MNAT1: variants seen among roughly 807,000 people sequenced by gnomAD.
MNAT1 encodes CDK-activating kinase assembly factor MAT1.
MNAT1 carries 43 observed loss-of-function variants against 42.0 expected under a neutral mutation model. The observed-to-expected ratio is 1.02, with a 90% CI of 0.80 to 1.32. MNAT1 has a LOEUF of 1.32. Among genes scored for constraint, MNAT1 ranks in the 40% most tolerant of loss-of-function variants. The probability of loss-of-function intolerance (pLI) is 0.00; values close to 1 mark genes in which losing one functional copy is unlikely to be tolerated. For synonymous variants in MNAT1, 118 were observed against 120.0 expected, an observed-to-expected ratio of 0.98 and a Z score of 0.11; for missense variants, 306 against 350.4, an observed-to-expected ratio of 0.87 and a Z score of 1.01.
intron 7 of MNAT1, among the ~76,000 whole-genome samples, chr14:60,941,973 C>A (rs1432277632): frequency 8.5e-6 from 1 of 118,218 alleles, no homozygotes; most frequent in East Asian, 2.7e-4. Flanking sequence ...CACTGTACTC[C>A]AGCCTGGGCG....
intron 6 of MNAT1, among the ~76,000 whole-genome samples, chr14:60,842,581 A>G (rs1052214757): frequency 1.3e-5 from 2 of 152,230 alleles, no homozygotes; most frequent in Non-Finnish European, 1.5e-5. Flanking sequence ...GGAATGGTCA[A>G]TCTGGTCTTG....
At chr14:60,807,925 T>C (rs2032424248) in intron 3 of MNAT1, among the ~76,000 whole-genome samples, 2 of 152,094 alleles carry the variant, frequency 1.3e-5, no homozygotes, top group South Asian at 4.1e-4. Context: ...ATTATAAAAA[T>C]ATATGATTTT....
At chr14:60,917,034 C>A (rs2035534574) in intron 7 of MNAT1, among the ~76,000 whole-genome samples, 1 of 152,060 alleles carries the variant, frequency 6.6e-6, no homozygotes, top group Non-Finnish European at 1.5e-5. Flanking sequence ...TTTTGTAAAA[C>A]CCACTTGTAG....
intron 7 of MNAT1, among the ~76,000 whole-genome samples, chr14:60,889,044 A>G (rs1238444961): frequency 1.3e-5 from 2 of 149,054 alleles, no homozygotes; most frequent in Admixed American, 6.7e-5. Context: ...TATAGATTCA[A>G]TGCCATCCCC....
At chr14:60,885,212 T>G (rs559711243) in intron 7 of MNAT1, among the ~76,000 whole-genome samples, 1 of 151,994 alleles carries the variant, frequency 6.6e-6, no homozygotes, top group African/African-American at 2.4e-5. Flanking sequence ...ACTTGAATAG[T>G]TGAATATTGA....
At chr14:60,761,109 C>T (rs2030580258) in intron 1 of MNAT1, among the ~76,000 whole-genome samples, 1 of 152,104 alleles carries the variant, frequency 6.6e-6, no homozygotes, top group Non-Finnish European at 1.5e-5. Context: ...TGTTTTTGGG[C>T]ATGGATTGTG....
intron 1 of MNAT1, among the ~76,000 whole-genome samples, chr14:60,785,462 G>A (rs906528363): frequency 2.6e-5 from 4 of 152,166 alleles, no homozygotes; most frequent in Non-Finnish European, 5.9e-5. Flanking sequence ...GTTAGCAAAT[G>A]TTGAGCAAAC....
chr14:60,818,878 G>T, intron 6 of MNAT1, 31 bp downstream of exon 6: 1 of 1,600,148 alleles, frequency 6.2e-7, no homozygotes, highest in Non-Finnish European at 8.5e-7. Flanking sequence ...TTGTTTGAAA[G>T]ATATTTTTTC....
chr14:60,860,414 G>A (rs1377613719), intron 6 of MNAT1, among the ~76,000 whole-genome samples: 4 of 142,564 alleles, frequency 2.8e-5, no homozygotes, highest in African/African-American at 5.2e-5. Flanking sequence ...GTGCAGTGGC[G>A]CGATCTCTGC....
At chr14:60,811,865 A>G in intron 4 of MNAT1, 122 bp from the exon 5 acceptor site, 1 of 650,030 alleles carries the variant, frequency 1.5e-6, no homozygotes, top group Non-Finnish European at 2.4e-6. Context: ...GAATTGCTAC[A>G]TTATTAAATA....
At chr14:60,742,092 T>A (rs1896486900) in intron 1 of MNAT1, among the ~76,000 whole-genome samples, 1 of 152,044 alleles carries the variant, frequency 6.6e-6, no homozygotes, top group Admixed American at 6.6e-5. Context: ...ATTTTTATTT[T>A]TTTTTAAATA....
rs142103124 is a variant in MNAT1 at position 60,915,121 on chromosome 14, A to G, written c.809+35286A>G. 4.0e-4 allele frequency among the ~76,000 whole-genome samples: 61 copies of G among 152,196 alleles called. 1 individual carries two copies. The East Asian group carries it at 0.011, about 28-fold the overall frequency. The stretch of plus-strand genomic sequence containing the variant: ...GCTGTTCCTGGATTCTGCTTGTCTC[A>G]GTGTAACTTTTTTTACTCTGCCCAG... On this transcript the variant is annotated intron_variant, in intron 7 of 7. Coordinates refer to ENST00000261245, the MANE Select transcript of MNAT1 (RefSeq NM_002431.4).
chr14:60,944,109 A>G (rs2036228414), intron 7 of MNAT1, among the ~76,000 whole-genome samples: 1 of 152,226 alleles, frequency 6.6e-6, no homozygotes, highest in Non-Finnish European at 1.5e-5. Context: ...GATTTGGACC[A>G]GGAATGTGAG....
intron 7 of MNAT1, among the ~76,000 whole-genome samples, chr14:60,933,969 G>A (rs1481184181): frequency 6.6e-6 from 1 of 152,102 alleles, no homozygotes; most frequent in Non-Finnish European, 1.5e-5. Context: ...TGAGAAATAA[G>A]GATTATAAAG....
chr14:60,933,733 T>G (rs2035934508), intron 7 of MNAT1, among the ~76,000 whole-genome samples: 1 of 152,176 alleles, frequency 6.6e-6, no homozygotes, highest in Admixed American at 6.6e-5. Flanking sequence ...TTTTCCTTGT[T>G]TATCTCCCTG....
chr14:60,964,842 C>T (rs1171608118), intron 7 of MNAT1, among the ~76,000 whole-genome samples: 1 of 152,110 alleles, frequency 6.6e-6, no homozygotes, highest in African/African-American at 2.4e-5. Flanking sequence ...GTACAGAAAA[C>T]ACTAAATTTT....
chr14:60,890,781 C>G (rs1439480982), intron 7 of MNAT1, among the ~76,000 whole-genome samples: 2 of 152,198 alleles, frequency 1.3e-5, no homozygotes, highest in Non-Finnish European at 2.9e-5. Context: ...CTGCTTTATT[C>G]TAGCCACACT....
chr14:60,888,273 G>A (rs1164414069), intron 7 of MNAT1, among the ~76,000 whole-genome samples: 1 of 151,426 alleles, frequency 6.6e-6, no homozygotes, highest in East Asian at 1.9e-4. Context: ...CTTCATCCCT[G>A]GGATGCAAGG....
rs1450230918 is a variant in MNAT1, at chr14:60,808,331, A to G, written c.323A>G (p.Asn108Ser). Residue 108 changes from asparagine to serine, a missense_variant, in exon 4 of 8, where the codon AAC becomes AGC. Physicochemically the swap from Asn to Ser is conservative, Grantham distance 46. This residue lies in a region of MNAT1 where 118 missense variants were observed against 99.8 expected (regional missense o/e 1.18). Transcript: ENST00000261245. ...CGTTTCCTTTCTAATGCAGTTTTCA[A>G]CTTGACCAACAATGTGGATTTGGAC... ...FLEEVEEIVFNLTNNVDLDNT... is the reference protein window; with the variant it reads ...FLEEVEEIVFSLTNNVDLDNT... 1.9e-6 allele frequency: 3 copies of G among 1,564,830 alleles called. No homozygotes were observed. Among genetic ancestry groups the G allele is most frequent in the East Asian group, 2.3e-5 (1 of 42,996 alleles).
Sources: gnomAD v4.1 joint callset for allele counts (sites outside exome capture counted in the v4.1 genomes callset) on GRCh38, gnomAD v4.1.1 for gene constraint, gnomAD v4.1.1 regional missense constraint, MANE v1.5 for transcripts, NCBI Gene and HGNC (gene_info 2026-07-23, HGNC 2026-07-21) for gene names.